The following TRABD2B variants were observed in gnomAD, a reference collection of about 807,000 sequenced individuals.
TRABD2B encodes TraB domain containing 2B, also known as metalloprotease TIKI2.
In TRABD2B, 14 loss-of-function variants were observed where a neutral mutation model predicts 40.1. The ratio of observed to expected loss-of-function variants is 0.35; its 90% CI spans 0.23 to 0.55. The LOEUF (loss-of-function observed/expected upper bound fraction) is 0.55. Ranked by LOEUF, TRABD2B falls within the 20% of genes least tolerant of loss-of-function variation. The pLI is 0.90. For synonymous variants in TRABD2B, 263 were observed against 277.0 expected (o/e 0.95, Z 0.50); for missense variants, 541 against 648.6 (o/e 0.83, Z 1.80).
intron 2 of TRABD2B, among the ~76,000 whole-genome samples, chr1:47,974,800 ATAC>A (rs1294401297): frequency 6.6e-6 from 1 of 152,206 alleles, no homozygotes; most frequent in East Asian, 1.9e-4. Context: ...AACCTGACAA[ATAC>A]TACTTCATCC....
At chr1:47,942,365 T>C (rs1260203964) in intron 2 of TRABD2B, among the ~76,000 whole-genome samples, 1 of 138,998 alleles carries the variant, frequency 7.2e-6, no homozygotes, top group Non-Finnish European at 1.6e-5. Flanking sequence ...TGGAAGTGGT[T>C]GGAACGGGGT....
intron 2 of TRABD2B, among the ~76,000 whole-genome samples, chr1:47,881,964 T>A (rs976056779): frequency 2.6e-5 from 4 of 152,228 alleles, no homozygotes; most frequent in African/African-American, 9.6e-5. Flanking sequence ...CAGAGCCACA[T>A]CTGGCTCTGA....
chr1:47,823,624 G>A (rs1205542590), intron 2 of TRABD2B, among the ~76,000 whole-genome samples: 1 of 152,198 alleles, frequency 6.6e-6, no homozygotes, highest in Non-Finnish European at 1.5e-5. Flanking sequence ...AAATGGGGAG[G>A]AGAGAGGCAC....
At chr1:47,783,754 G>A (rs1162426977) in intron 4 of TRABD2B, among the ~76,000 whole-genome samples, 2 of 152,180 alleles carry the variant, frequency 1.3e-5, no homozygotes, top group Non-Finnish European at 2.9e-5. Flanking sequence ...GGCTCAGTGA[G>A]CAGAGCACAG....
intron 2 of TRABD2B, among the ~76,000 whole-genome samples, chr1:47,941,890 G>C (rs937531702): frequency 2.0e-5 from 3 of 152,204 alleles, no homozygotes; most frequent in African/African-American, 7.2e-5. Context: ...TTTAGTGTGA[G>C]GATTCAATGA....
At chr1:47,939,604 G>C (rs923398920) in intron 2 of TRABD2B, among the ~76,000 whole-genome samples, 4 of 152,116 alleles carry the variant, frequency 2.6e-5, no homozygotes, top group African/African-American at 4.8e-5. Context: ...AGCTTGAAGA[G>C]GTGGAGTTAC....
intron 1 of TRABD2B, among the ~76,000 whole-genome samples, chr1:47,995,477 C>T (rs1312836523): frequency 1.3e-5 from 2 of 150,720 alleles, no homozygotes; most frequent in Non-Finnish European, 2.9e-5. Flanking sequence ...ATGACCTAAG[C>T]TCCGACTTAG....
intron 2 of TRABD2B, among the ~76,000 whole-genome samples, chr1:47,977,928 T>C (rs764080034): frequency 1.1e-4 from 17 of 152,020 alleles, no homozygotes; most frequent in Non-Finnish European, 2.2e-4. Context: ...TTTACATCTC[T>C]GGGTTTCATG....
rs533726113 is a variant in TRABD2B, at chr1:47,969,445, T to C, written c.666+24589A>G. ...CACAAGGGCTCAGTTAAGCAGTGAT[T>C]CACTCAAGGACAGAAGCCAGCATAG... On this transcript the variant is annotated intron_variant, in intron 2 of 6. Transcript: ENST00000606738. Among the ~76,000 whole-genome samples the C allele has an allele frequency of 5.3e-5, 8 of 152,322 alleles. No homozygotes were observed. The South Asian group carries it at 1.7e-3, about 32-fold the overall frequency.
chr1:47,792,200 C>T (rs1309137764), intron 4 of TRABD2B, among the ~76,000 whole-genome samples: 2 of 152,214 alleles, frequency 1.3e-5, no homozygotes. Flanking sequence ...GACTTTACTG[C>T]TGGCCTATCC....
intron 2 of TRABD2B, among the ~76,000 whole-genome samples, chr1:47,838,531 T>C (rs1645349626): frequency 6.6e-6 from 1 of 152,202 alleles, no homozygotes; most frequent in Non-Finnish European, 1.5e-5. Context: ...TCTCTGAATC[T>C]TCTGTTTCCT....
intron 2 of TRABD2B, among the ~76,000 whole-genome samples, chr1:47,950,143 G>A (rs944031511): frequency 6.6e-5 from 10 of 152,100 alleles, no homozygotes; most frequent in East Asian, 3.9e-4. Flanking sequence ...AAAATTAGCC[G>A]GGTGTGTGGT....
chr1:47,913,616 G>A (rs1388215985), intron 2 of TRABD2B, among the ~76,000 whole-genome samples: 3 of 152,238 alleles, frequency 2.0e-5, no homozygotes, highest in Admixed American at 6.5e-5. Flanking sequence ...TGCATGCAGC[G>A]GTCAGCACCC....
intron 3 of TRABD2B, among the ~76,000 whole-genome samples, chr1:47,800,719 T>C (rs1260408335): frequency 3.3e-5 from 5 of 152,178 alleles, no homozygotes; most frequent in African/African-American, 1.2e-4. Flanking sequence ...TGCCTGACCC[T>C]ATCCAGGGGC....
intron 2 of TRABD2B, among the ~76,000 whole-genome samples, chr1:47,836,928 T>C (rs977710439): frequency 6.6e-6 from 1 of 152,212 alleles, no homozygotes. Flanking sequence ...TAAATTTCTG[T>C]TGTTTATAAG....
intron 2 of TRABD2B, among the ~76,000 whole-genome samples, chr1:47,808,301 T>C (rs1191246260): frequency 6.6e-6 from 1 of 152,254 alleles, no homozygotes; most frequent in Non-Finnish European, 1.5e-5. Context: ...CGTGTGTGTG[T>C]GTGTGTGTGT....
chr1:47,950,732 G>T (rs997545767), intron 2 of TRABD2B, among the ~76,000 whole-genome samples: 1 of 152,184 alleles, frequency 6.6e-6, no homozygotes, highest in Non-Finnish European at 1.5e-5. Context: ...TGATTCACTC[G>T]TCTTTGCCTC....
chr1:47,884,348 C>T (rs934775572), intron 2 of TRABD2B, among the ~76,000 whole-genome samples: 1 of 152,160 alleles, frequency 6.6e-6, no homozygotes, highest in African/African-American at 2.4e-5. Flanking sequence ...TGGTCTGAGG[C>T]CCCCAGCAGA....
intron 2 of TRABD2B, among the ~76,000 whole-genome samples, chr1:47,959,952 C>A (rs964906912): frequency 1.2e-4 from 19 of 152,132 alleles, no homozygotes; most frequent in African/African-American, 4.6e-4. Context: ...AATATCGATG[C>A]AAAAATCCTC....
Sources: gnomAD v4.1 joint callset for allele counts (sites outside exome capture counted in the v4.1 genomes callset) on GRCh38, gnomAD v4.1.1 for gene constraint, MANE v1.5 for transcripts, NCBI Gene and HGNC (gene_info 2026-07-23, HGNC 2026-07-21) for gene names.